The following DPH1 variants were observed in gnomAD, a reference collection of about 807,000 sequenced individuals.
DPH1 encodes the protein diphthamide biosynthesis 1.
In DPH1, 59 loss-of-function variants were observed where a neutral mutation model predicts 55.3. The observed-to-expected ratio is 1.07, with a 90% CI of 0.87 to 1.33. The LOEUF is 1.33. Among genes scored for constraint, DPH1 ranks in the 40% most tolerant of loss-of-function variants. The probability of loss-of-function intolerance (pLI) is 0.00; values close to 1 mark genes in which losing one functional copy is unlikely to be tolerated. For missense variants in DPH1, 628 were observed against 584.8 expected, an observed-to-expected ratio of 1.07 and a Z score of -0.76; for synonymous variants, 238 against 235.5, an observed-to-expected ratio of 1.01 and a Z score of -0.10.
intron 6 of DPH1, among the ~76,000 whole-genome samples, chr17:2,038,600 C>T (rs990423395): frequency 1.3e-5 from 2 of 152,120 alleles, no homozygotes; most frequent in East Asian, 3.8e-4. Flanking sequence ...CCTGTACATG[C>T]GAGGGATCTA....
At chr17:2,035,432 A>AGGGCCCTGCCTGTGGTGGGGAGGGGGTGG (rs2067402670) in intron 3 of DPH1, among the ~76,000 whole-genome samples, 15 of 19,330 alleles carry the variant, frequency 7.8e-4, no homozygotes, top group Non-Finnish European at 1.4e-3. Flanking sequence ...TCCGGACGAG[A>AGGGCCCTGCCTGTGGTGGGGAGGGGGTGG]GGGCCCTGCC....
At chr17:2,039,065 CTTT>C (rs141735682) in intron 6 of DPH1, 5 of 147,536 alleles carry the variant, frequency 3.4e-5, no homozygotes, top group Non-Finnish European at 6.0e-5. Context: ...GTCCTCTGGA[CTTT>C]TTTTTTTTTT....
intron 9 of DPH1, chr17:2,040,836 G>A: frequency 3.2e-6 from 2 of 627,988 alleles, no homozygotes; most frequent in Admixed American, 2.8e-5. Flanking sequence ...AGCGGTGGCT[G>A]ACACCTGCCC....
Position 2,041,524 on chromosome 17 carries a change from C to T in DPH1, c.1130C>T (p.Pro377Leu), listed in dbSNP as rs567642658. ...LRDISWQQPY[P>L]MDFYAGSSLG... ...GACATTTCCTGGCAGCAGCCCTACC[C>T]GATGGACTTCTACGCTGGCAGCTCC... Residue 377 changes from proline (P) to leucine (L), a missense_variant, in exon 11 of 13, where the codon CCG (proline) becomes CTG (leucine). By Grantham distance (98) the Pro-to-Leu change is moderately conservative (BLOSUM62 -3). Coordinates refer to ENST00000263083, the MANE Select transcript of DPH1 (RefSeq NM_001383.6). The T allele has an allele frequency of 1.2e-6, 2 of 1,612,814 alleles. No individual in the cohort carries two copies. The highest frequency in any genetic ancestry group is 1.3e-5 in the African/African-American group (1 of 74,900).
At position 2,036,978 on chromosome 17, in the gene DPH1, A is replaced by G; in HGVS notation, c.680+22A>G. The G allele has an allele frequency of 6.2e-7, 1 of 1,608,784 alleles. No homozygotes were observed. Among genetic ancestry groups the G allele is most frequent in the Non-Finnish European group, 8.5e-7 (1 of 1,178,046 alleles). The stretch of plus-strand genomic sequence containing the variant: ...TTGTGTAAGTTAAAAATGGGGGCCA[A>G]GTAAGTCCTAGAGACATGCGTGTAC... On this transcript the variant is annotated intron_variant, in intron 6 of 12. Coordinates refer to ENST00000263083, the MANE Select transcript of DPH1 (RefSeq NM_001383.6). The surrounding 1 kb of genome is among the most constrained non-coding windows in gnomAD (Gnocchi z 4.8).
intron 6 of DPH1, among the ~76,000 whole-genome samples, chr17:2,038,147 CAAAAAAAAAAAAAA>C (rs201391773): frequency 2.8e-5 from 3 of 108,748 alleles, no homozygotes; most frequent in Non-Finnish European, 5.6e-5. Flanking sequence ...CTGTTCTCTC[CAAAAAAAAAAAAAA>C]AAAAAAAAAA....
At chr17:2,032,183 G>T (rs548129993) in intron 1 of DPH1, among the ~76,000 whole-genome samples, 1 of 152,172 alleles carries the variant, frequency 6.6e-6, no homozygotes, top group Non-Finnish European at 1.5e-5. Context: ...ATATCTAGAA[G>T]CTCAAAACTT....
Position 2,036,720 on chromosome 17 carries a change from G to C in DPH1, c.558+34G>C, listed in dbSNP as rs528202224. ...AACGAGGATCCTCGGCCTCCTGCAG[G>C]GTGGACAGCGGCCACTCTCCAGCTG... is the stretch of plus-strand genomic sequence containing the variant. On this transcript the variant is annotated intron_variant, in intron 5 of 12. Coordinates refer to ENST00000263083, the MANE Select transcript of DPH1 (RefSeq NM_001383.6). This position sits in a 1 kb window ranked among gnomAD's most constrained non-coding sequence, Gnocchi z 4.8. The C allele has an allele frequency of 6.2e-7, 1 of 1,611,898 alleles. No homozygotes were observed. The highest frequency in any genetic ancestry group is 1.1e-5 in the South Asian group (1 of 90,996).
chr17:2,039,095 T>A (rs1198417015), intron 6 of DPH1: 1 of 152,274 alleles, frequency 6.6e-6, no homozygotes, highest in Non-Finnish European at 1.5e-5. Context: ...AGAGTCTTGT[T>A]CTGTCGCCCA....
At chr17:2,041,420 C>T (rs2067521001) in intron 10 of DPH1, 61 bp from the exon 11 acceptor site, 2 of 1,561,100 alleles carry the variant, frequency 1.3e-6, no homozygotes, top group East Asian at 4.5e-5. Context: ...GGACTGAATT[C>T]AGTAATCCAG....
Position 2,040,541 on chromosome 17 carries a change from T to G in DPH1, c.943T>G (p.Phe315Val). Reference sequence around the variant, plus strand: ...TCGACTCCGAGCCTTGGGCCTTTCCTTTGTGAGGCTGCTGCTCTCTGAGAT... The same window carrying G: ...TCGACTCCGAGCCTTGGGCCTTTCCGTTGTGAGGCTGCTGCTCTCTGAGAT... ...ESRLRALGLS[F>V]VRLLLSEIFP... Residue 315 changes from phenylalanine (F) to valine (V), a missense_variant, in exon 9 of 13, where the codon TTT (phenylalanine) becomes GTT (valine). Physicochemically the swap from Phe to Val is conservative, Grantham distance 50 (BLOSUM62 -1). Coordinates refer to ENST00000263083, the MANE Select transcript of DPH1 (RefSeq NM_001383.6). 6.2e-7 allele frequency: 1 copy of G among 1,614,196 alleles called. No homozygotes were observed. Among genetic ancestry groups the G allele is most frequent in the Non-Finnish European group, 8.5e-7 (1 of 1,180,032 alleles).
In DPH1 at chr17:2,036,045, G is replaced by A. The variant is rs1236208363; in HGVS notation, c.354G>A (p.Arg118=). 6.2e-7 allele frequency: 1 copy of A among 1,613,890 alleles called. No homozygotes were observed. Among genetic ancestry groups the A allele is most frequent in the East Asian group, 2.2e-5 (1 of 44,900 alleles). Residue 118 remains arginine, a synonymous_variant, in exon 4 of 13, where the codon AGG becomes AGA. Transcript: ENST00000263083. This position sits in a 1 kb window ranked among gnomAD's most constrained non-coding sequence, Gnocchi z 4.8. ...GACCVDDFTA[R]ALGADFLVHY... is the part of the protein sequence containing the mutation. The stretch of plus-strand genomic sequence containing the variant: ...GCTGTGTGGATGACTTCACAGCGAG[G>A]GCCCTGGGAGCTGACTTCTTGGTGC...
chr17:2,042,288 C>A, intron 12 of DPH1: 2 of 1,398,074 alleles, frequency 1.4e-6, no homozygotes, highest in Non-Finnish European at 1.8e-6. Flanking sequence ...GTTTCGTCCC[C>A]CTCGACACCC....
At chr17:2,040,402 G>A (rs758595775) in intron 8 of DPH1, 28 bp downstream of exon 8, 1 of 1,613,530 alleles carries the variant, frequency 6.2e-7, no homozygotes, top group South Asian at 1.1e-5. Context: ...AGCCTCTGGA[G>A]GAGGGAAGTG....
intron 1 of DPH1, among the ~76,000 whole-genome samples, chr17:2,032,886 C>T (rs1032592960): frequency 6.6e-6 from 1 of 152,162 alleles, no homozygotes; most frequent in African/African-American, 2.4e-5. Flanking sequence ...TGCCTGCCAC[C>T]AGGCCCGGCT....
In DPH1 at chr17:2,042,617, C is replaced by CG. The variant is rs781297176; in HGVS notation, c.*33dup. ...CATATCGCTGTAGGGTCCTGCCCTC[C>CG]GGAGGAGCAGCCTCGAGGCTGGTGG... On this transcript the variant is annotated 3_prime_UTR_variant, in exon 13 of 13. Coordinates refer to ENST00000263083, the MANE Select transcript of DPH1 (RefSeq NM_001383.6). 44 of 1,519,530 alleles carry CG rather than the reference C, an allele frequency of 2.9e-5. No homozygotes were observed. The highest frequency in any genetic ancestry group is 3.5e-5 in the Non-Finnish European group (40 of 1,136,966). The allele number at this position is 1,519,530 out of a possible 1,614,324, so 94.1% of individuals were successfully genotyped here.
At chr17:2,040,022 C>G (rs1474365297) in intron 7 of DPH1, among the ~76,000 whole-genome samples, 196 bp from the exon 8 acceptor site, 1 of 152,242 alleles carries the variant, frequency 6.6e-6, no homozygotes, top group Non-Finnish European at 1.5e-5. Context: ...ACACGGAGAT[C>G]TTAAAGCCGC....
chr17:2,042,439 C>T, intron 12 of DPH1, 166 bp from the exon 13 acceptor site: 1 of 1,267,752 alleles, frequency 7.9e-7, no homozygotes, highest in Non-Finnish European at 1.0e-6. Context: ...TCCGCTGTCT[C>T]CTGTTCAGGC....
In DPH1 at chr17:2,040,606, G is replaced by A. The variant is rs1442040506; in HGVS notation, c.1007+1G>A. 7 of 1,613,940 alleles carry A rather than the reference G, an allele frequency of 4.3e-6. No individual in the cohort carries two copies. Among genetic ancestry groups the A allele is most frequent in the Non-Finnish European group, 5.9e-6 (7 of 1,179,826 alleles). ...TTAGCCTACTTCCTGAGGTGGATGTGTGAGTATCTGCCTGGCTATGACTGG... is the reference window on the plus strand; with the variant it reads ...TTAGCCTACTTCCTGAGGTGGATGTATGAGTATCTGCCTGGCTATGACTGG... On this transcript the variant is annotated splice_donor_variant, in intron 9 of 12. Coordinates refer to ENST00000263083, the MANE Select transcript of DPH1 (RefSeq NM_001383.6). LOFTEE classifies it high-confidence loss of function.
Sources: gnomAD v4.1 joint callset for allele counts (sites outside exome capture counted in the v4.1 genomes callset) on GRCh38, gnomAD v4.1.1 for gene constraint, Gnocchi (gnomAD v3.1) non-coding constraint, MANE v1.5 for transcripts, NCBI Gene and HGNC (gene_info 2026-07-23, HGNC 2026-07-21) for gene names.